CDH12: variants seen among roughly 807,000 people sequenced by gnomAD.
CDH12 encodes the protein cadherin 12, also known as cadherin-12.
Under a neutral mutation model 74.1 loss-of-function variants are expected in CDH12, and 41 were observed. The observed-to-expected ratio is 0.55, with a 90% CI of 0.43 to 0.72. The LOEUF (loss-of-function observed/expected upper bound fraction) is 0.72, where lower values mean the gene tolerates loss of function less well. Ranked by LOEUF, CDH12 falls within the 30% of genes least tolerant of loss-of-function variation. The pLI is 0.00. For missense variants in CDH12, 945 were observed against 977.2 expected (o/e 0.97, Z 0.44); for synonymous variants, 399 against 355.0 (o/e 1.12, Z -1.39).
chr5:22,459,762 C>G (rs193088591), intron 2 of CDH12, among the ~76,000 whole-genome samples: 279 of 152,166 alleles, frequency 1.8e-3, no homozygotes, highest in African/African-American at 6.3e-3. Flanking sequence ...GTCAGGAGAT[C>G]AAGACCATCC....
At chr5:22,210,646 G>A (rs1490724980) in intron 4 of CDH12, among the ~76,000 whole-genome samples, 1 of 152,000 alleles carries the variant, frequency 6.6e-6, no homozygotes, top group Non-Finnish European at 1.5e-5. Flanking sequence ...AACCTTCAAT[G>A]GACGTACTCT....
intron 3 of CDH12, among the ~76,000 whole-genome samples, chr5:22,244,510 AAAAAAAAAAAAAAAAAAAAAAAAGAAG>A (rs1336059309): frequency 1.5e-3 from 11 of 7,570 alleles, no homozygotes; most frequent in South Asian, 8.6e-3. Context: ...AAAAAAAAAA[AAAAAAAAAAAAAAAAAAAAAAAAGAAG>A]AAGAAGAAGA....
intron 3 of CDH12, among the ~76,000 whole-genome samples, chr5:22,288,622 C>T (rs1262092010): frequency 1.3e-5 from 2 of 152,062 alleles, no homozygotes; most frequent in South Asian, 2.1e-4. Flanking sequence ...GTGCAGAATT[C>T]GTGTCTCTGA....
At chr5:21,765,888 A>C (rs1351946922) in intron 11 of CDH12, among the ~76,000 whole-genome samples, 2 of 152,042 alleles carry the variant, frequency 1.3e-5, no homozygotes, top group African/African-American at 4.8e-5. Context: ...AACTTGTGCA[A>C]TATATAATTT....
intron 1 of CDH12, among the ~76,000 whole-genome samples, chr5:22,546,739 C>T (rs1169281431): frequency 6.6e-6 from 1 of 152,020 alleles, no homozygotes; most frequent in East Asian, 1.9e-4. Context: ...GACAGAGAAC[C>T]TATAATCCAT....
chr5:21,879,189 A>AT (rs1467830127), intron 6 of CDH12, among the ~76,000 whole-genome samples: 4 of 152,220 alleles, frequency 2.6e-5, no homozygotes, highest in African/African-American at 9.6e-5. Context: ...TGTTCACACT[A>AT]TAAAAAAAAC....
intron 1 of CDH12, among the ~76,000 whole-genome samples, chr5:22,605,959 G>A (rs1296120394): frequency 1.3e-5 from 2 of 152,188 alleles, no homozygotes; most frequent in Non-Finnish European, 1.5e-5. Context: ...CTGTTGGGGT[G>A]GCCATGGGCA....
At chr5:21,878,941 GGAAA>G (rs1254934979) in intron 6 of CDH12, among the ~76,000 whole-genome samples, 1 of 148,078 alleles carries the variant, frequency 6.8e-6, no homozygotes, top group African/African-American at 2.5e-5. Context: ...AAGAAAGAAA[GGAAA>G]GAAAGAGAGG....
chr5:22,029,909 T>C (rs1249462653), intron 5 of CDH12, among the ~76,000 whole-genome samples: 3 of 151,730 alleles, frequency 2.0e-5, no homozygotes, highest in Non-Finnish European at 4.4e-5. Flanking sequence ...GTGGCACATA[T>C]ACACCATGGA....
rs114835804 is a variant in CDH12, at chr5:22,556,660, T to C, written c.-522-51296A>G. Among the ~76,000 whole-genome samples, 293 of 152,202 alleles carry C rather than the reference T, an allele frequency of 1.9e-3. 2 individuals are homozygous for C. Among genetic ancestry groups the C allele is most frequent in the African/African-American group, 6.8e-3 (283 of 41,568 alleles). ...ATAAGCCAGTTGTTTCCAGATGAGA[T>C]TTTTTATCAGAGAATAAAGATCAAC... is the stretch of plus-strand genomic sequence containing the variant. On this transcript the variant is annotated intron_variant, in intron 1 of 14. Coordinates refer to ENST00000382254, the MANE Select transcript of CDH12 (RefSeq NM_004061.5).
chr5:22,171,895 C>G (rs1749051521), intron 4 of CDH12, among the ~76,000 whole-genome samples: 1 of 151,834 alleles, frequency 6.6e-6, no homozygotes, highest in South Asian at 2.1e-4. Flanking sequence ...CCAGGAAGAT[C>G]CCCTAGGGAA....
intron 1 of CDH12, among the ~76,000 whole-genome samples, chr5:22,642,647 A>G (rs533033593): frequency 6.6e-6 from 1 of 152,272 alleles, no homozygotes; most frequent in African/African-American, 2.4e-5. Context: ...TACATAGTCG[A>G]CAATTTGACC....
At chr5:22,816,590 C>T (rs1273500267) in intron 1 of CDH12, among the ~76,000 whole-genome samples, 1 of 152,198 alleles carries the variant, frequency 6.6e-6, no homozygotes, top group Non-Finnish European at 1.5e-5. Flanking sequence ...AAACCATTTA[C>T]TTGCTGCCCT....
chr5:21,831,090 C>CA (rs1348986641), intron 8 of CDH12, among the ~76,000 whole-genome samples: 2 of 151,134 alleles, frequency 1.3e-5, no homozygotes, highest in Non-Finnish European at 3.0e-5. Context: ...AGCAAACAAA[C>CA]AAAAAACAAC....
At chr5:21,757,250 A>T (rs1248397887) in intron 13 of CDH12, among the ~76,000 whole-genome samples, 1 of 152,090 alleles carries the variant, frequency 6.6e-6, no homozygotes, top group Admixed American at 6.6e-5. Flanking sequence ...ATCTCGGCTC[A>T]CTGCAACCTC....
rs140424082 is a variant in CDH12, at chr5:21,892,420, C to T, written c.527-37630G>A. Among the ~76,000 whole-genome samples, 385 of 152,002 alleles carry T rather than the reference C, an allele frequency of 2.5e-3. 3 individuals carry two copies. The highest frequency in any genetic ancestry group is 4.9e-3 in the Admixed American group (74 of 15,252). Reference sequence around the variant, plus strand: ...GTAGGTGGTGGGTTTAGGGTGGTGGCGGGAAAAAGTAAAGTATTTCATTGT... The same window carrying T: ...GTAGGTGGTGGGTTTAGGGTGGTGGTGGGAAAAAGTAAAGTATTTCATTGT... On this transcript the variant is annotated intron_variant, in intron 6 of 14. Transcript: ENST00000382254.
At chr5:22,763,324 G>T (rs1580975990) in intron 1 of CDH12, among the ~76,000 whole-genome samples, 1 of 151,912 alleles carries the variant, frequency 6.6e-6, no homozygotes, top group East Asian at 1.9e-4. Context: ...TAACAAAATT[G>T]ATCAGAAACT....
At chr5:22,699,590 T>G (rs1021667431) in intron 1 of CDH12, among the ~76,000 whole-genome samples, 7 of 152,128 alleles carry the variant, frequency 4.6e-5, no homozygotes, top group Non-Finnish European at 8.8e-5. Context: ...TAGGATCTGG[T>G]CCCAAGAAGG....
intron 4 of CDH12, among the ~76,000 whole-genome samples, chr5:22,129,626 A>G (rs1746073012): frequency 6.6e-6 from 1 of 152,108 alleles, no homozygotes; most frequent in African/African-American, 2.4e-5. Flanking sequence ...TCTTTCATCT[A>G]TCTATCCCTG....
Sources: gnomAD v4.1 joint callset for allele counts (sites outside exome capture counted in the v4.1 genomes callset) on GRCh38, gnomAD v4.1.1 for gene constraint, MANE v1.5 for transcripts, NCBI Gene and HGNC (gene_info 2026-07-23, HGNC 2026-07-21) for gene names.